VAV2: variants seen among roughly 807,000 people sequenced by gnomAD.
VAV2 encodes the protein vav guanine nucleotide exchange factor 2.
A neutral mutation model predicts 132.5 loss-of-function variants in VAV2; 67 were observed. The observed-to-expected ratio is 0.51, with a 90% CI of 0.42 to 0.62. The LOEUF (loss-of-function observed/expected upper bound fraction) is 0.62. Among genes scored for constraint, VAV2 ranks in the 20% least tolerant of loss-of-function variants. The pLI, the probability that VAV2 is intolerant of heterozygous loss-of-function variation, is 0.00. For missense variants in VAV2, 938 were observed against 1,153.6 expected, an observed-to-expected ratio of 0.81 and a Z score of 2.71; for synonymous variants, 492 against 443.5, an observed-to-expected ratio of 1.11 and a Z score of -1.37.
At chr9:133,827,092 A>G (rs1296225031) in intron 4 of VAV2, among the ~76,000 whole-genome samples, 3 of 152,200 alleles carry the variant, frequency 2.0e-5, no homozygotes, top group Admixed American at 2.0e-4. Flanking sequence ...GGAGGGGGAC[A>G]GAGGGCCCCA....
At chr9:133,908,698 C>T (rs184027451) in intron 2 of VAV2, among the ~76,000 whole-genome samples, 1 of 152,390 alleles carries the variant, frequency 6.6e-6, no homozygotes, top group Admixed American at 6.5e-5. Context: ...TGCGCCTCCA[C>T]TATGGGAACC....
At chr9:133,810,293 C>T in intron 5 of VAV2, 88 bp from the exon 6 acceptor site, 1 of 1,589,148 alleles carries the variant, frequency 6.3e-7, no homozygotes. Flanking sequence ...ATCAGGAACG[C>T]CACCCCACAA....
At chr9:133,910,413 G>A (rs549545805) in intron 2 of VAV2, among the ~76,000 whole-genome samples, 1 of 152,268 alleles carries the variant, frequency 6.6e-6, no homozygotes, top group South Asian at 2.1e-4. Context: ...ACTGAAGGGG[G>A]CACCGTGCGG....
In VAV2 at chr9:133,773,650, T is replaced by TC. The variant is rs1247213033; in HGVS notation, c.2135+1284dup. Among the ~76,000 whole-genome samples, 10 of 129,262 alleles carry TC rather than the reference T, an allele frequency of 7.7e-5. No homozygotes were observed. In the East Asian group the frequency reaches 1.9e-3, roughly 25 times the overall value. The allele number at this position is 129,262 out of a possible 152,430, so 84.8% of individuals were successfully genotyped here. On this transcript the variant is annotated intron_variant, in intron 25 of 29. Transcript: ENST00000371850. ...ATTCTATAAGCTTTCCTGTTTTTTT[T>TC]CTTTGTTGTTGTTGTTTTTACTCCT...
intron 2 of VAV2, among the ~76,000 whole-genome samples, chr9:133,889,753 C>CAG (rs1159671242): frequency 7.9e-5 from 12 of 151,886 alleles, no homozygotes; most frequent in Non-Finnish European, 1.2e-4. Flanking sequence ...TTCATTTACA[C>CAG]ACACACACAA....
Position 133,883,360 on chromosome 9 carries a change from G to A in VAV2, c.322-21928C>T, listed in dbSNP as rs1349906722. The stretch of plus-strand genomic sequence containing the variant: ...CAGCCTCCCTGCCGGGGTGTGCCAA[G>A]TGAGTGTGGGGCTGACGGGTGTGAG... On this transcript the variant is annotated intron_variant, in intron 2 of 29. Coordinates refer to ENST00000371850, the MANE Select transcript of VAV2 (RefSeq NM_001134398.2). The surrounding 1 kb of genome is among the most constrained non-coding windows in gnomAD (Gnocchi z 4.2). 6.6e-6 allele frequency among the ~76,000 whole-genome samples: 1 copy of A among 152,252 alleles called. No homozygotes were observed. Among genetic ancestry groups the A allele is most frequent in the East Asian group, 1.9e-4 (1 of 5,198 alleles).
intron 9 of VAV2, among the ~76,000 whole-genome samples, chr9:133,798,537 C>A (rs939340545): frequency 1.3e-5 from 2 of 152,208 alleles, no homozygotes; most frequent in Non-Finnish European, 2.9e-5. Context: ...GCACTGGGCC[C>A]ACATCTCTAC....
chr9:133,958,901 C>T (rs664026), intron 1 of VAV2, among the ~76,000 whole-genome samples: 46,828 of 152,148 alleles, frequency 0.31, 8,033 homozygotes, highest in African/African-American at 0.46. Flanking sequence ...CAGGAAGAGA[C>T]AGTCACAACC....
At chr9:133,889,800 T>C (rs542914021) in intron 2 of VAV2, among the ~76,000 whole-genome samples, 1 of 152,140 alleles carries the variant, frequency 6.6e-6, no homozygotes, top group African/African-American at 2.4e-5. Flanking sequence ...TTAAACCTAA[T>C]CAGGCTTCCC....
Position 133,805,178 on chromosome 9 carries a change from G to A in VAV2, c.836+903C>T, listed in dbSNP as rs76626408. Reference sequence around the variant, plus strand: ...CTAGAGATGAGGGAGAGATGGACCCGGGCGCCCAATGCCTAGGCTCAGGGC... The same window carrying A: ...CTAGAGATGAGGGAGAGATGGACCCAGGCGCCCAATGCCTAGGCTCAGGGC... On this transcript the variant is annotated intron_variant, in intron 9 of 29. Coordinates refer to ENST00000371850, the MANE Select transcript of VAV2 (RefSeq NM_001134398.2). Among the ~76,000 whole-genome samples the A allele has an allele frequency of 6.1e-4, 93 of 152,202 alleles. No individual in the cohort carries two copies. In the East Asian group the frequency reaches 0.016, roughly 27 times the overall value.
chr9:133,820,765 C>G (rs376002317), intron 4 of VAV2, among the ~76,000 whole-genome samples: 1 of 152,196 alleles, frequency 6.6e-6, no homozygotes, highest in African/African-American at 2.4e-5. Flanking sequence ...AGGGAACCCT[C>G]AGGGGCTGGG....
intron 1 of VAV2, among the ~76,000 whole-genome samples, chr9:133,970,096 G>A (rs569037534): frequency 2.0e-5 from 3 of 152,092 alleles, no homozygotes; most frequent in Non-Finnish European, 2.9e-5. Flanking sequence ...CCACTCAACA[G>A]CTCCCACAAT....
intron 7 of VAV2, among the ~76,000 whole-genome samples, chr9:133,807,865 G>A (rs1429134593): frequency 1.3e-5 from 2 of 152,244 alleles, no homozygotes; most frequent in African/African-American, 2.4e-5. Flanking sequence ...AAGTGAACAT[G>A]AGGACGTGTG....
intron 3 of VAV2, among the ~76,000 whole-genome samples, chr9:133,855,250 A>G (rs1150062): frequency 0.99 from 151,414 of 152,380 alleles, 75,228 homozygotes; most frequent in Middle Eastern, 1. Flanking sequence ...TGCAGAGAGG[A>G]TAGCACATTC....
intron 16 of VAV2, 90 bp downstream of exon 16, chr9:133,787,156 G>T (rs1303023845): frequency 7.2e-6 from 10 of 1,396,566 alleles, no homozygotes; most frequent in Non-Finnish European, 9.4e-6. Flanking sequence ...AGCCCCTCAG[G>T]CCCCTGGGTC....
At chr9:133,910,150 G>C (rs1256155148) in intron 2 of VAV2, among the ~76,000 whole-genome samples, 2 of 152,158 alleles carry the variant, frequency 1.3e-5, no homozygotes, top group Non-Finnish European at 2.9e-5. Flanking sequence ...AGAAGTGATG[G>C]CTGGAGCTCT....
chr9:133,786,793 T>C (rs1031484024), intron 16 of VAV2, among the ~76,000 whole-genome samples: 1 of 152,086 alleles, frequency 6.6e-6, no homozygotes, highest in African/African-American at 2.4e-5. Flanking sequence ...AAAAAGAGTT[T>C]GGCAAATAGG....
At chr9:133,830,387 G>A (rs1836217647) in intron 4 of VAV2, among the ~76,000 whole-genome samples, 1 of 152,162 alleles carries the variant, frequency 6.6e-6, no homozygotes, top group Admixed American at 6.5e-5. Context: ...GAGGGACCTG[G>A]AAGGAGGTCA....
At chr9:133,861,902 C>T (rs1837611051) in intron 2 of VAV2, among the ~76,000 whole-genome samples, 1 of 152,226 alleles carries the variant, frequency 6.6e-6, no homozygotes, top group East Asian at 1.9e-4. Context: ...CAAAGTCACC[C>T]AGCAGCCAGG....
Sources: allele counts gnomAD v4.1 joint callset (sites outside exome capture counted in the v4.1 genomes callset), GRCh38; gene constraint gnomAD v4.1.1; non-coding constraint Gnocchi (gnomAD v3.1); transcripts MANE v1.5; gene names NCBI Gene and HGNC (gene_info 2026-07-23, HGNC 2026-07-21).